The following ACSS2 variants were observed in gnomAD, a reference collection of about 807,000 sequenced individuals.
ACSS2 encodes acetyl-coenzyme A synthetase, cytoplasmic.
Under a neutral mutation model 90.6 loss-of-function variants are expected in ACSS2, and 58 were observed. That is an observed-to-expected ratio of 0.64 (90% CI 0.52 to 0.80). The LOEUF is 0.80. Ranked by LOEUF, ACSS2 falls within the 30% of genes least tolerant of loss-of-function variation. The pLI is 0.00. For missense variants in ACSS2, 759 were observed against 912.0 expected, an observed-to-expected ratio of 0.83 and a Z score of 2.16; for synonymous variants, 300 against 330.9, an observed-to-expected ratio of 0.91 and a Z score of 1.01.
rs1386644805 is a variant in ACSS2 at position 34,926,927 on chromosome 20, C to G, written c.1954C>G (p.Pro652Ala). The G allele has an allele frequency of 2.5e-6, 4 of 1,614,040 alleles. No individual in the cohort carries two copies. The highest frequency in any genetic ancestry group is 1.7e-5 in the Admixed American group (1 of 60,004). ...CACACCAGACTACATCCAGAATGCACCTGGCTTGCCTAAAACCCGCTCAGG... is the reference window on the plus strand; with the variant it reads ...CACACCAGACTACATCCAGAATGCAGCTGGCTTGCCTAAAACCCGCTCAGG... Reference protein sequence around the residue: ...IATPDYIQNAPGLPKTRSGKI... With the variant: ...IATPDYIQNAAGLPKTRSGKI... The change falls in exon 17 of 18, where the codon CCT (proline) becomes GCT (alanine). Residue 652 changes from proline to alanine, a missense_variant. Pro to Ala is a conservative substitution (Grantham distance 27). Coordinates refer to ENST00000360596, the MANE Select transcript of ACSS2 (RefSeq NM_018677.4).
At chr20:34,904,265 A>G (rs1159366448) in intron 2 of ACSS2, among the ~76,000 whole-genome samples, 1 of 151,812 alleles carries the variant, frequency 6.6e-6, no homozygotes, top group African/African-American at 2.4e-5. Context: ...GTGATCAAAG[A>G]TAACCTTACT....
rs1305030073 is a variant in ACSS2 at position 34,920,989 on chromosome 20, C to A, written c.1144-17C>A. On this transcript the variant is annotated splice_polypyrimidine_tract_variant and intron_variant, in intron 9 of 17. Transcript: ENST00000360596. ...ACTATTAGGAAAGACTGGGAATGAC[C>A]AGCCTTCATGGGTCAGTTTGAGGGG... 3 of 1,613,868 alleles carry A rather than the reference C, an allele frequency of 1.9e-6. No homozygotes were observed. In the African/African-American group the frequency reaches 4.0e-5, roughly 22 times the overall value.
At chr20:34,917,320 A>G (rs558247440) in intron 7 of ACSS2, among the ~76,000 whole-genome samples, 6 of 152,308 alleles carry the variant, frequency 3.9e-5, no homozygotes, top group African/African-American at 1.4e-4. Context: ...GTATGTGTAG[A>G]TGCATATGGA....
At chr20:34,878,123 CGAGG>C (rs1490916967) in intron 1 of ACSS2, among the ~76,000 whole-genome samples, 2 of 152,110 alleles carry the variant, frequency 1.3e-5, no homozygotes, top group African/African-American at 4.8e-5. Flanking sequence ...TTTGGAGAGA[CGAGG>C]TTTTGCCATG....
chr20:34,876,547 GC>G, upstream of ACSS2: 1 of 1,262,092 alleles, frequency 7.9e-7, no homozygotes, highest in Non-Finnish European at 1.0e-6. Flanking sequence ...ACCAGGCCCC[GC>G]CCCTCTACGG....
upstream of ACSS2, chr20:34,875,101 T>C (rs535904458): frequency 1.9e-6 from 1 of 534,650 alleles, no homozygotes; most frequent in South Asian, 1.4e-5. Flanking sequence ...GTCTGTGAAA[T>C]GATGGTGAGG....
intron 2 of ACSS2, among the ~76,000 whole-genome samples, chr20:34,896,575 T>A (rs1484927131): frequency 6.6e-6 from 1 of 152,228 alleles, no homozygotes; most frequent in Non-Finnish European, 1.5e-5. Flanking sequence ...ATCTATTCAT[T>A]TTACAATTAT....
chr20:34,899,171 C>G (rs574371276), intron 2 of ACSS2, among the ~76,000 whole-genome samples: 1 of 152,274 alleles, frequency 6.6e-6, no homozygotes, highest in Non-Finnish European at 1.5e-5. Flanking sequence ...CCCCGGTTCC[C>G]GCTCGGGCCT....
intron 2 of ACSS2, among the ~76,000 whole-genome samples, chr20:34,898,056 C>A (rs1224165296): frequency 6.6e-6 from 1 of 152,156 alleles, no homozygotes; most frequent in East Asian, 1.9e-4. Flanking sequence ...TTCGGAGTTT[C>A]TTCCTTCTGG....
intron 5 of ACSS2, 112 bp from the exon 6 acceptor site, chr20:34,913,984 C>T (rs2081022439): frequency 7.1e-7 from 1 of 1,405,096 alleles, no homozygotes; most frequent in East Asian, 2.3e-5. Flanking sequence ...CAGCTCGAAT[C>T]AGCTGGAAGA....
chr20:34,927,205 C>T lies in ACSS2; in HGVS notation c.2097C>T (p.Thr699=). The change falls in exon 18 of 18, where the codon ACC becomes ACT. Residue 699 remains threonine, a synonymous_variant. Coordinates refer to ENST00000360596, the MANE Select transcript of ACSS2 (RefSeq NM_018677.4). The surrounding 1 kb of genome is among the most constrained non-coding windows in gnomAD (Gnocchi z 4.2). ...ACCTCTTCAGCCACCGCTGCCTGAC[C>T]ATCCAGTGAACATGATCCTGACCTT... ...ISHLFSHRCL[T]IQ is the part of the protein sequence containing the mutation. 1.2e-6 allele frequency: 2 copies of T among 1,613,812 alleles called. No individual in the cohort carries two copies. Among genetic ancestry groups the T allele is most frequent in the South Asian group, 2.2e-5 (2 of 91,070 alleles).
At chr20:34,909,860 G>A (rs1308034292) in intron 2 of ACSS2, among the ~76,000 whole-genome samples, 1 of 151,940 alleles carries the variant, frequency 6.6e-6, no homozygotes, top group Admixed American at 6.6e-5. Flanking sequence ...GGGACTACAG[G>A]CGTGCACCAC....
chr20:34,921,373 C>A lies in ACSS2; in HGVS notation c.1321C>A (p.Pro441Thr). 5 of 1,614,218 alleles carry A rather than the reference C, an allele frequency of 3.1e-6. No homozygotes were observed. The highest frequency in any genetic ancestry group is 4.2e-6 in the Non-Finnish European group (5 of 1,180,036). The part of the protein sequence containing the change: ...SLQVLGTVGE[P>T]INPEAWLWYH... ...GCAGGTGTTAGGCACAGTGGGTGAA[C>A]CCATCAACCCTGAGGCCTGGCTATG... The change falls in exon 11 of 18, where the codon CCC becomes ACC. Residue 441 changes from proline (P) to threonine (T), a missense_variant. By Grantham distance (38) the Pro-to-Thr change is conservative. Coordinates refer to ENST00000360596, the MANE Select transcript of ACSS2 (RefSeq NM_018677.4).
chr20:34,886,464 C>CA (rs972260107), intron 2 of ACSS2, among the ~76,000 whole-genome samples: 86 of 147,638 alleles, frequency 5.8e-4, no homozygotes, highest in Admixed American at 4.1e-3. Context: ...ACTAAAAATA[C>CA]AAAAAAAAAA....
At chr20:34,923,025 A>G (rs1265169741) in intron 13 of ACSS2, 2 of 264,250 alleles carry the variant, frequency 7.6e-6, no homozygotes, top group Non-Finnish European at 1.5e-5. Flanking sequence ...TATCAATAAT[A>G]GAACACCGTG....
chr20:34,910,808 C>A (rs567518756), intron 2 of ACSS2, among the ~76,000 whole-genome samples: 14 of 152,156 alleles, frequency 9.2e-5, no homozygotes, highest in Admixed American at 8.5e-4. Context: ...TGGAAAAAAA[C>A]CACTAAGGGA....
At position 34,919,476 on chromosome 20, in the gene ACSS2, C is replaced by G; in HGVS notation, c.876C>G (p.Leu292=). 6.2e-7 allele frequency: 1 copy of G among 1,613,332 alleles called. No individual in the cohort carries two copies. The highest frequency in any genetic ancestry group is 8.5e-7 in the Non-Finnish European group (1 of 1,180,010). ...GGATTGACTTGTGGTGGCATGAGCTCATGCAAGAGGCAGGGGATGAGTGTG... is the reference window on the plus strand; with the variant it reads ...GGATTGACTTGTGGTGGCATGAGCTGATGCAAGAGGCAGGGGATGAGTGTG... ...NQGIDLWWHE[L]MQEAGDECEP... Residue 292 remains leucine, a synonymous_variant, in exon 8 of 18, where the codon CTC becomes CTG. Transcript: ENST00000360596.
At chr20:34,925,556 G>T in intron 14 of ACSS2, 142 bp from the exon 15 acceptor site, 1 of 790,680 alleles carries the variant, frequency 1.3e-6, no homozygotes, top group Non-Finnish European at 2.0e-6. Flanking sequence ...GTGCCCTCTT[G>T]GAGGCTGGCT....
chr20:34,894,924 T>G (rs2080426885), intron 2 of ACSS2, among the ~76,000 whole-genome samples: 1 of 152,182 alleles, frequency 6.6e-6, no homozygotes, highest in Non-Finnish European at 1.5e-5. Context: ...AATAATTACC[T>G]GAGGATGTCG....
Sources: allele counts gnomAD v4.1 joint callset (sites outside exome capture counted in the v4.1 genomes callset), GRCh38; gene constraint gnomAD v4.1.1; non-coding constraint Gnocchi (gnomAD v3.1); transcripts MANE v1.5; gene names NCBI Gene and HGNC (gene_info 2026-07-23, HGNC 2026-07-21).